SPATA31C2: variants seen among roughly 807,000 people sequenced by gnomAD.
SPATA31C2 encodes spermatogenesis-associated protein 31C2.
Under a neutral mutation model 11.4 loss-of-function variants are expected in SPATA31C2, and 5 were observed. That is an observed-to-expected ratio of 0.44 (90% confidence interval 0.23 to 0.92). The LOEUF (loss-of-function observed/expected upper bound fraction) is 0.92. SPATA31C2 is among the 40% of genes least tolerant of loss of function. The pLI is 0.24. For synonymous variants in SPATA31C2, 515 were observed against 538.7 expected (o/e 0.96, Z 0.61); for missense variants, 1,353 against 1,368.6 (o/e 0.99, Z 0.18).
chr9:88,131,020 G>A lies in SPATA31C2; in HGVS notation c.2017C>T (p.Gln673Ter), dbSNP rs1224657782. The change falls in exon 4 of 4, where the codon CAA (glutamine) becomes TAA (stop). Residue 673 changes from glutamine to a stop codon, truncating the protein, a stop_gained. Coordinates refer to ENST00000324915, the MANE Select transcript of SPATA31C2 (RefSeq NM_001350978.3). LOFTEE classifies it low-confidence loss of function (END_TRUNC). ...GACAAGGATGAAACCTTTTCCAGTT[G>A]AAAGCACTGAATGGGCTTGAGGACC... ...LRVLKPIQCF[Q>*]LEKVSSLSLI... 6.2e-7 allele frequency: 1 copy of A among 1,612,086 alleles called. No homozygotes were observed. The highest frequency in any genetic ancestry group is 8.5e-7 in the Non-Finnish European group (1 of 1,179,856).
chr9:88,137,208 C>G (rs1488118198), intron 1 of SPATA31C2, among the ~76,000 whole-genome samples: 1 of 147,964 alleles, frequency 6.8e-6, no homozygotes, highest in Non-Finnish European at 1.5e-5. Flanking sequence ...TAGTTCCATA[C>G]AAGTACAACC....
intron 1 of SPATA31C2, among the ~76,000 whole-genome samples, chr9:88,135,672 G>A (rs1825670508): frequency 7.8e-6 from 1 of 127,966 alleles, no homozygotes; most frequent in African/African-American, 3.4e-5. Context: ...CCACCACCAC[G>A]CCCTGCTAAT....
rs1256536904 is a variant in SPATA31C2, at chr9:88,129,735, T to C, written c.3302A>G (p.Tyr1101Cys). Residue 1101 changes from tyrosine (Y) to cysteine (C), a missense_variant, in exon 4 of 4, where the codon TAC (tyrosine) becomes TGC (cysteine). By Grantham distance (194) the Tyr-to-Cys change is radical. Transcript: ENST00000324915. ...GFPCNHRHPF[Y>C]SEHSRMLSYA... Reference sequence around the variant, plus strand: ...GCTCAGCATTCTGCTGTGTTCTGAGTAGAACGGGTGTCTGTGGTTGCAGGG... The same window carrying C: ...GCTCAGCATTCTGCTGTGTTCTGAGCAGAACGGGTGTCTGTGGTTGCAGGG... The C allele has an allele frequency of 6.2e-7, 1 of 1,603,560 alleles. No individual in the cohort carries two copies. Among genetic ancestry groups the C allele is most frequent in the South Asian group, 1.1e-5 (1 of 90,918 alleles).
Position 88,130,047 on chromosome 9 carries a change from A to G in SPATA31C2, c.2990T>C (p.Leu997Pro), listed in dbSNP as rs1310934577. 2 of 1,608,446 alleles carry G rather than the reference A, an allele frequency of 1.2e-6. No homozygotes were observed. The highest frequency in any genetic ancestry group is 2.2e-5 in the East Asian group (1 of 44,664). ...DTRQNEGVQL[L>P]PSKKQPPSIS... is the part of the protein sequence containing the mutation. ...TGAAGGAGGCTGTTTCTTTGATGGC[A>G]GTAGCTGGACGCCTTCATTCTGACG... Residue 997 changes from leucine to proline, a missense_variant, in exon 4 of 4, where the codon CTG becomes CCG. By Grantham distance (98) the Leu-to-Pro change is moderately conservative. Transcript: ENST00000324915.
At chr9:88,135,931 C>CTGCA (rs1743067483) in intron 1 of SPATA31C2, among the ~76,000 whole-genome samples, 1 of 128,910 alleles carries the variant, frequency 7.8e-6, no homozygotes, top group South Asian at 2.4e-4. Flanking sequence ...TGTGCAGGAC[C>CTGCA]TGCAGTTTTC....
rs753583608 is a variant in SPATA31C2, at chr9:88,130,900, C to A, written c.2137G>T (p.Ala713Ser). The change falls in exon 4 of 4, where the codon GCA (alanine) becomes TCA (serine). Residue 713 changes from alanine (A) to serine (S), a missense_variant. Ala to Ser is a moderately conservative substitution (Grantham distance 99, BLOSUM62 1). Transcript: ENST00000324915. ...GTCAGCACCTGCTTTCTCAGACTTG[C>A]CATTGGTGGCTCTCCAAGGAACGTG... is the stretch of plus-strand genomic sequence containing the variant. ...VATFLGEPPM[A>S]SLRKQVLTKP... 26 of 1,613,700 alleles carry A rather than the reference C, an allele frequency of 1.6e-5. 1 individual carries two copies. In the Admixed American group the frequency reaches 4.3e-4, roughly 27 times the overall value.
chr9:88,134,661 T>G (rs1463829011), intron 1 of SPATA31C2: 1 of 832,964 alleles, frequency 1.2e-6, no homozygotes, highest in African/African-American at 1.7e-5. Context: ...TGGTCTCTCC[T>G]GAGACTTCCC....
chr9:88,137,867 C>T lies in SPATA31C2; in HGVS notation c.189+391G>A, dbSNP rs1298594517. 2.0e-5 allele frequency among the ~76,000 whole-genome samples: 2 copies of T among 98,804 alleles called. 1 individual carries two copies. The highest frequency in any genetic ancestry group is 3.5e-5 in the Non-Finnish European group (2 of 57,662). The allele number at this position is 98,804 out of a possible 152,430, so 64.8% of individuals were successfully genotyped here. On this transcript the variant is annotated intron_variant, in intron 1 of 3. Transcript: ENST00000324915. ...ACAGAAGAGGCTGGGTCCCGAGCCA[C>T]CTGCCCCAGGAAGGGACTGATGAGC...
intron 1 of SPATA31C2, among the ~76,000 whole-genome samples, chr9:88,137,367 G>A (rs1156731995): frequency 1.4e-5 from 2 of 146,676 alleles, no homozygotes; most frequent in South Asian, 2.2e-4. Flanking sequence ...GCTCATGCCT[G>A]TAATCCCAGC....
chr9:88,130,205 C>G lies in SPATA31C2; in HGVS notation c.2832G>C (p.Lys944Asn), dbSNP rs1825563039. The change falls in exon 4 of 4, where the codon AAG (lysine) becomes AAC (asparagine). Residue 944 changes from lysine to asparagine, a missense_variant. Around this residue, in one of 6 missense-constraint regions of SPATA31C2, gnomAD observed 16 missense variants for 45.1 expected, o/e 0.35. Transcript: ENST00000324915. The part of the protein sequence containing the change: ...PRNPNCQGSC[K>N]SQSPMFPPTH... ...TAGGGGGAAACATTGGGCTTTGGCT[C>G]TTGCATGAGCCTTGACAGTTTGGGT... 6.2e-7 allele frequency: 1 copy of G among 1,608,878 alleles called. No homozygotes were observed. The highest frequency in any genetic ancestry group is 8.5e-7 in the Non-Finnish European group (1 of 1,178,034).
chr9:88,133,736 C>G (rs1166092482), intron 1 of SPATA31C2, 67 bp from the exon 2 acceptor site: 28 of 1,506,390 alleles, frequency 1.9e-5, no homozygotes, highest in Non-Finnish European at 2.5e-5. Flanking sequence ...CCAGCCGCAG[C>G]ACGCTGCACT....
In SPATA31C2 at chr9:88,133,491, A is replaced by C. The variant is rs574413751; in HGVS notation, c.265+103T>G. The C allele has an allele frequency of 2.3e-5, 34 of 1,473,320 alleles. 1 individual carries two copies. The South Asian group carries it at 3.3e-4, about 14-fold the overall frequency. The allele number at this position is 1,473,320 out of a possible 1,614,324, so 91.3% of individuals were successfully genotyped here. On this transcript the variant is annotated intron_variant, in intron 2 of 3. Coordinates refer to ENST00000324915, the MANE Select transcript of SPATA31C2 (RefSeq NM_001350978.3). The stretch of plus-strand genomic sequence containing the variant: ...GACCCAGGGTTCTGATTTCCTTCCT[A>C]GGAGCCCCCACCTCAGGTTTTTTCA...
chr9:88,137,250 T>A (rs1374932397), intron 1 of SPATA31C2, among the ~76,000 whole-genome samples: 1 of 149,068 alleles, frequency 6.7e-6, no homozygotes, highest in Non-Finnish European at 1.5e-5. Context: ...CAATATCGGT[T>A]CAATAGTACA....
Position 88,131,924 on chromosome 9 carries a change from C to A in SPATA31C2, c.1113G>T (p.Pro371=). The stretch of plus-strand genomic sequence containing the variant: ...GGCAAGCTACTCCAGTGTTCTTCAT[C>A]GGGGATAGAAAAGCAGGAGATAGGA... ...FPVLSPAFLS[P]MKNTGVACPA... is the part of the protein sequence containing the mutation. Residue 371 remains proline, a synonymous_variant, in exon 4 of 4, where the codon CCG becomes CCT. Transcript: ENST00000324915. The A allele has an allele frequency of 1.2e-6, 2 of 1,610,438 alleles. No individual in the cohort carries two copies. The highest frequency in any genetic ancestry group is 8.5e-7 in the Non-Finnish European group (1 of 1,178,296).
At chr9:88,136,466 A>C (rs1314170631) in intron 1 of SPATA31C2, among the ~76,000 whole-genome samples, 1 of 145,502 alleles carries the variant, frequency 6.9e-6, no homozygotes, top group Non-Finnish European at 1.5e-5. Flanking sequence ...ATGGTTTATC[A>C]GGTGTGGTTT....
rs1187405507 is a variant in SPATA31C2 at position 88,131,338 on chromosome 9, T to G, written c.1699A>C (p.Thr567Pro). The G allele has an allele frequency of 1.2e-6, 2 of 1,611,858 alleles. No homozygotes were observed. The highest frequency in any genetic ancestry group is 1.3e-5 in the African/African-American group (1 of 74,854). ...ATGTTTTCTATATGATTCCTCTCTGTGCGTCTTAATAAATCACTTCCTGAG... is the reference window on the plus strand; with the variant it reads ...ATGTTTTCTATATGATTCCTCTCTGGGCGTCTTAATAAATCACTTCCTGAG... ...SDSGSDLLRR[T>P]ERNHIENILK... The change falls in exon 4 of 4, where the codon ACA becomes CCA. Residue 567 changes from threonine to proline, a missense_variant. Transcript: ENST00000324915.
In SPATA31C2 at chr9:88,131,209, A is replaced by C. The variant is rs777086307; in HGVS notation, c.1828T>G (p.Ser610Ala). 2 of 1,611,792 alleles carry C rather than the reference A, an allele frequency of 1.2e-6. No individual in the cohort carries two copies. Among genetic ancestry groups the C allele is most frequent in the Non-Finnish European group, 1.7e-6 (2 of 1,179,862 alleles). ...WLAVNQAFPV[S>A]NTHVKTSNLA... ...TTGCTGGTTTTCACGTGGGTGTTGG[A>C]GACGGGAAAAGCCTGGTTGACAGCA... is the stretch of plus-strand genomic sequence containing the variant. Residue 610 changes from serine (S) to alanine (A), a missense_variant, in exon 4 of 4, where the codon TCC (serine) becomes GCC (alanine). Physicochemically the swap from Ser to Ala is moderately conservative, Grantham distance 99. Around this residue, in one of 6 missense-constraint regions of SPATA31C2, gnomAD observed 1,075 missense variants for 992.8 expected, o/e 1.08. Coordinates refer to ENST00000324915, the MANE Select transcript of SPATA31C2 (RefSeq NM_001350978.3).
At chr9:88,133,915 G>C (rs1825644010) in intron 1 of SPATA31C2, among the ~76,000 whole-genome samples, 1 of 152,152 alleles carries the variant, frequency 6.6e-6, no homozygotes. Context: ...CCAGCACTTT[G>C]GGAGGCTGAG....
In SPATA31C2 at chr9:88,131,900, G is replaced by A. The variant is rs766772493; in HGVS notation, c.1137C>T (p.Cys379=). ...LSPMKNTGVA[C]PASQNKVQAL... The stretch of plus-strand genomic sequence containing the variant: ...CTTGCACTTTATTCTGCGACGCAGG[G>A]CAAGCTACTCCAGTGTTCTTCATCG... Residue 379 remains cysteine, a synonymous_variant, in exon 4 of 4, where the codon TGC becomes TGT. Transcript: ENST00000324915. 6 of 1,610,220 alleles carry A rather than the reference G, an allele frequency of 3.7e-6. No individual in the cohort carries two copies. The African/African-American group carries it at 4.0e-5, about 11-fold the overall frequency.
Sources: allele counts gnomAD v4.1 joint callset (sites outside exome capture counted in the v4.1 genomes callset), GRCh38; gene constraint gnomAD v4.1.1; regional missense constraint gnomAD v4.1.1; transcripts MANE v1.5; gene names NCBI Gene and HGNC (gene_info 2026-07-23, HGNC 2026-07-21).